Variants in BIVM observed in about 807,000 individuals in gnomAD.
The protein encoded by BIVM is basic immunoglobulin-like variable motif-containing protein.
In BIVM, 31 loss-of-function variants were observed where a neutral mutation model predicts 61.4. The observed-to-expected ratio is 0.51, with a 90% CI of 0.38 to 0.68. The LOEUF (loss-of-function observed/expected upper bound fraction) is 0.68, where lower values mean the gene tolerates loss of function less well. BIVM is among the 30% of genes least tolerant of loss of function. The pLI, the probability that BIVM is intolerant of heterozygous loss-of-function variation, is 0.00. For synonymous variants in BIVM, 189 were observed against 210.7 expected (o/e 0.90, Z 0.89); for missense variants, 526 against 596.0 (o/e 0.88, Z 1.22).
At chr13:102,804,107 A>G (rs532589235) in intron 1 of BIVM, among the ~76,000 whole-genome samples, 12 of 152,236 alleles carry the variant, frequency 7.9e-5, no homozygotes, top group Non-Finnish European at 1.6e-4. Flanking sequence ...GCAAACAACT[A>G]TAAACTCTGC....
At chr13:102,810,745 T>C (rs562027042) in intron 3 of BIVM, among the ~76,000 whole-genome samples, 12 of 152,232 alleles carry the variant, frequency 7.9e-5, no homozygotes, top group Non-Finnish European at 1.2e-4. Context: ...TTATTTTTTA[T>C]TTTGAAATAG....
At chr13:102,820,093 C>T (rs1201553947) in intron 4 of BIVM, among the ~76,000 whole-genome samples, 1 of 152,124 alleles carries the variant, frequency 6.6e-6, no homozygotes, top group African/African-American at 2.4e-5. Flanking sequence ...CAGTGGCTCA[C>T]GTCTGTAATC....
intron 1 of BIVM, among the ~76,000 whole-genome samples, chr13:102,804,993 G>A (rs1305375529): frequency 6.6e-6 from 1 of 152,126 alleles, no homozygotes; most frequent in African/African-American, 2.4e-5. Flanking sequence ...TTCAATATTT[G>A]TATGATGGTT....
Position 102,805,844 on chromosome 13 carries a change from T to G in BIVM, c.-123+454T>G, listed in dbSNP as rs556224192. Among the ~76,000 whole-genome samples the G allele has an allele frequency of 5.2e-5, 8 of 152,386 alleles. No individual in the cohort carries two copies. In the South Asian group the frequency reaches 1.7e-3, roughly 32 times the overall value. On this transcript the variant is annotated intron_variant, in intron 2 of 10. Transcript: ENST00000257336. The stretch of plus-strand genomic sequence containing the variant: ...GTAGCATGGGTCAGTACTTCATTTC[T>G]TTTTATTGCCAAATAATATTCCATT...
chr13:102,807,393 A>G lies in BIVM; in HGVS notation c.126A>G (p.Gly42=). The change falls in exon 3 of 11, where the codon GGA becomes GGG. Residue 42 remains glycine, a synonymous_variant. Coordinates refer to ENST00000257336, the MANE Select transcript of BIVM (RefSeq NM_017693.4). This position sits in a 1 kb window ranked among gnomAD's most constrained non-coding sequence, Gnocchi z 4.0. ...AATCTTTCTGCACAAGTGCCTCAGG[A>G]GCACCCTTGGGTCCCAAAGGAGATG... The part of the protein sequence containing the change: ...AVKSFCTSAS[G]APLGPKGDGH... The G allele has an allele frequency of 6.2e-7, 1 of 1,614,198 alleles. No homozygotes were observed. Among genetic ancestry groups the G allele is most frequent in the Non-Finnish European group, 8.5e-7 (1 of 1,180,042 alleles).
rs1023926559 is a variant in BIVM, at chr13:102,821,124, A to G, written c.693A>G (p.Gly231=). The change falls in exon 5 of 11, where the codon GGA becomes GGG. Residue 231 remains glycine, a synonymous_variant. Coordinates refer to ENST00000257336, the MANE Select transcript of BIVM (RefSeq NM_017693.4). ...GGAATTTCTTATACAGCACAATGGGAGCTGGAAAGTAAGTATGTCAATTTA... is the reference window on the plus strand; with the variant it reads ...GGAATTTCTTATACAGCACAATGGGGGCTGGAAAGTAAGTATGTCAATTTA... The part of the protein sequence containing the change: ...SCWNFLYSTM[G]AGNLPPITQE... 6.2e-7 allele frequency: 1 copy of G among 1,610,530 alleles called. No individual in the cohort carries two copies. Among genetic ancestry groups the G allele is most frequent in the Non-Finnish European group, 8.5e-7 (1 of 1,179,142 alleles).
At chr13:102,809,617 G>T (rs1437027152) in intron 3 of BIVM, among the ~76,000 whole-genome samples, 4 of 152,166 alleles carry the variant, frequency 2.6e-5, no homozygotes, top group African/African-American at 9.7e-5. Context: ...TTGTGAAGTT[G>T]TCTTTTCTCC....
chr13:102,799,130 G>A lies in BIVM; in HGVS notation c.-598G>A. On this transcript the variant is annotated 5_prime_UTR_variant, in exon 1 of 11. Coordinates refer to ENST00000257336, the MANE Select transcript of BIVM (RefSeq NM_017693.4). ...TCCCTGGGATATGTAGTTCGCGACA[G>A]GACGAGCGGAAATACTGCCAGGATT... 1 of 396,232 alleles carries A rather than the reference G, an allele frequency of 2.5e-6. No homozygotes were observed. The highest frequency in any genetic ancestry group is 4.4e-6 in the Non-Finnish European group (1 of 225,058). 24.5% of individuals were successfully genotyped at this position (396,232 alleles called of 1,614,324 possible). A position where few individuals can be genotyped will look rare whatever the true frequency, so the allele number is the denominator to read the frequency against.
chr13:102,838,615 G>C, intron 9 of BIVM, 28 bp from the exon 10 acceptor site: 1 of 1,569,210 alleles, frequency 6.4e-7, no homozygotes, highest in Non-Finnish European at 8.6e-7. Context: ...AAAGAAAATT[G>C]TGCTTTATCC....
intron 6 of BIVM, 57 bp downstream of exon 6, chr13:102,821,904 A>G (rs1469645401): frequency 6.3e-7 from 1 of 1,576,706 alleles, no homozygotes; most frequent in Non-Finnish European, 8.7e-7. Flanking sequence ...AATAATAATG[A>G]TGTAGATGTG....
At chr13:102,828,329 A>T (rs1272984747) in intron 7 of BIVM, among the ~76,000 whole-genome samples, 1 of 152,144 alleles carries the variant, frequency 6.6e-6, no homozygotes, top group Non-Finnish European at 1.5e-5. Flanking sequence ...GTCCAGACTC[A>T]TTTTTTTAAT....
At chr13:102,822,472 G>A (rs1427354939) in intron 7 of BIVM, among the ~76,000 whole-genome samples, 3 of 152,224 alleles carry the variant, frequency 2.0e-5, no homozygotes, top group Non-Finnish European at 4.4e-5. Flanking sequence ...ATGTATGTGC[G>A]TGTGTACGCG....
intron 9 of BIVM, 86 bp from the exon 10 acceptor site, chr13:102,838,557 G>A: frequency 9.2e-7 from 1 of 1,084,742 alleles, no homozygotes. Flanking sequence ...TGATAATATT[G>A]CAGCAACTTG....
chr13:102,833,342 T>TTTTTTTTTTTTTTG (rs1881248834), intron 8 of BIVM, among the ~76,000 whole-genome samples: 1 of 143,050 alleles, frequency 7.0e-6, no homozygotes, highest in African/African-American at 2.5e-5. Context: ...TTTTTTTTTT[T>TTTTTTTTTTTTTTG]TTTGAGACAA....
intron 3 of BIVM, among the ~76,000 whole-genome samples, chr13:102,815,052 C>CAAAG (rs1196996271): frequency 6.6e-6 from 1 of 151,900 alleles, no homozygotes; most frequent in Non-Finnish European, 1.5e-5. Flanking sequence ...TCAAAACAAA[C>CAAAG]AAACAAACAA....
At chr13:102,830,094 T>C (rs1880961540) in intron 7 of BIVM, among the ~76,000 whole-genome samples, 1 of 152,128 alleles carries the variant, frequency 6.6e-6, no homozygotes, top group South Asian at 2.1e-4. Flanking sequence ...TGACACTTCA[T>C]TAAGTTTCAT....
At chr13:102,819,156 A>G (rs1880069448) in intron 4 of BIVM, among the ~76,000 whole-genome samples, 1 of 152,224 alleles carries the variant, frequency 6.6e-6, no homozygotes, top group South Asian at 2.1e-4. Flanking sequence ...TCATATTTAA[A>G]CAACTAGGGC....
At position 102,801,162 on chromosome 13, in the gene BIVM, A is replaced by G. The variant is rs147878716; in HGVS notation, c.-207+1641A>G. On this transcript the variant is annotated intron_variant, in intron 1 of 10. Transcript: ENST00000257336. ...AAATTTTTGCTTTGCATACGAGCAAACCATATTTCTATTGCTTATGACATG... is the reference window on the plus strand; with the variant it reads ...AAATTTTTGCTTTGCATACGAGCAAGCCATATTTCTATTGCTTATGACATG... Among the ~76,000 whole-genome samples the G allele has an allele frequency of 3.0e-3, 463 of 152,200 alleles. 1 individual carries two copies. The highest frequency in any genetic ancestry group is 0.01 in the African/African-American group (428 of 41,528).
intron 3 of BIVM, among the ~76,000 whole-genome samples, chr13:102,811,619 G>A (rs1276263816): frequency 6.6e-6 from 1 of 152,252 alleles, no homozygotes; most frequent in Non-Finnish European, 1.5e-5. Context: ...CACCTTCTGG[G>A]TTCAAGCAAT....
Sources: allele counts gnomAD v4.1 joint callset (sites outside exome capture counted in the v4.1 genomes callset), GRCh38; gene constraint gnomAD v4.1.1; non-coding constraint Gnocchi (gnomAD v3.1); transcripts MANE v1.5; gene names NCBI Gene and HGNC (gene_info 2026-07-23, HGNC 2026-07-21).